The following DMD variants were observed in gnomAD, a reference collection of about 807,000 sequenced individuals.
DMD encodes mutant dystrophin.
A neutral mutation model predicts 330.1 loss-of-function variants in DMD; 63 were observed. The ratio of observed to expected loss-of-function variants is 0.19; its 90% CI spans 0.16 to 0.24. DMD has a LOEUF of 0.24. DMD is among the 10% of genes least tolerant of loss of function. The probability of loss-of-function intolerance (pLI) is 1.00; values close to 1 mark genes in which losing one functional copy is unlikely to be tolerated. For missense variants in DMD, 3,344 were observed against 2,684.1 expected, an observed-to-expected ratio of 1.25 and a Z score of -5.43; for synonymous variants, 1,223 against 959.8, an observed-to-expected ratio of 1.27 and a Z score of -5.07.
chrX:32,926,717 A>G (rs1480378903), intron 2 of DMD, among the ~76,000 whole-genome samples: 1 of 102,468 alleles, frequency 9.8e-6, no homozygotes, highest in Non-Finnish European at 2.0e-5. Context: ...AAGCCACTGC[A>G]CTCCTGCCTG....
At chrX:32,961,384 T>A (rs779064781) in intron 2 of DMD, among the ~76,000 whole-genome samples, 11 of 111,129 alleles carry the variant, frequency 9.9e-5, no homozygotes, top group Non-Finnish European at 1.7e-4. Context: ...TATTTTTTTT[T>A]AAACCTGAAT....
At chrX:32,725,184 TA>T (rs1240936018) in intron 7 of DMD, among the ~76,000 whole-genome samples, 3 of 111,288 alleles carry the variant, frequency 2.7e-5, no homozygotes, top group Non-Finnish European at 5.7e-5. Context: ...GTAAAGACTC[TA>T]ATATATAAGG....
At chrX:32,121,036 G>A (rs1038658146) in intron 44 of DMD, among the ~76,000 whole-genome samples, 10 of 111,986 alleles carry the variant, frequency 8.9e-5, no homozygotes, top group Non-Finnish European at 1.9e-4. Flanking sequence ...AATAGGTAGA[G>A]AACAAGCCCG....
rs1177428396 is a variant in DMD at position 31,126,644 on chromosome X, C to G, written c.11044G>C (p.Glu3682Gln). 2.5e-6 allele frequency: 3 copies of G among 1,200,678 alleles called. No homozygotes were observed. The highest frequency in any genetic ancestry group is 3.4e-6 in the Non-Finnish European group (3 of 886,031). The change falls in exon 78 of 79, where the codon GAG (glutamate) becomes CAG (glutamine). Residue 3682 changes from glutamate (E) to glutamine (Q), a missense_variant and splice_region_variant. Coordinates refer to ENST00000357033, the MANE Select transcript of DMD (RefSeq NM_004006.3). ...GRNTPGKPMR[E>Q]DTM is the part of the protein sequence containing the mutation. ...CCGTGAGCCTGAATCTCACTAACCT[C>G]TCTCATTGGCTTTCCAGGGGTATTT...
intron 16 of DMD, among the ~76,000 whole-genome samples, chrX:32,554,063 C>G (rs191189297): frequency 8.9e-6 from 1 of 112,229 alleles, no homozygotes; most frequent in African/African-American, 3.2e-5. Context: ...GACCAGCTGC[C>G]ACCTCTGCAG....
In DMD at chrX:32,538,597, C is replaced by CT. The variant is rs200187110; in HGVS notation, c.2168+6561dup. Among the ~76,000 whole-genome samples, 600 of 111,476 alleles carry CT rather than the reference C, an allele frequency of 5.4e-3. 4 individuals carry two copies. The highest frequency in any genetic ancestry group is 0.019 in the African/African-American group (577 of 30,679). On this transcript the variant is annotated intron_variant, in intron 17 of 78. Transcript: ENST00000357033. ...TTCACACGGACATACGTGAAAGCCC[C>CT]TTTATGGGGGCTGTCATAAGGAAAG...
intron 76 of DMD, among the ~76,000 whole-genome samples, chrX:31,136,032 C>G (rs2035182899): frequency 9.2e-6 from 1 of 108,452 alleles, no homozygotes; most frequent in Admixed American, 9.9e-5. Flanking sequence ...CTAAAAGAAT[C>G]ATTGCCAATG....
intron 51 of DMD, among the ~76,000 whole-genome samples, chrX:31,754,227 C>A (rs371505087): frequency 9.0e-6 from 1 of 111,148 alleles, no homozygotes; most frequent in East Asian, 2.8e-4. Context: ...TATCATCTAC[C>A]TTGGAGTTAC....
chrX:31,614,754 A>T (rs1251052023), intron 55 of DMD, among the ~76,000 whole-genome samples: 1 of 112,098 alleles, frequency 8.9e-6, no homozygotes, highest in Non-Finnish European at 1.9e-5. Context: ...GATGCTGTTA[A>T]ACATGAAAAA....
intron 13 of DMD, among the ~76,000 whole-genome samples, chrX:32,592,564 T>C (rs2055042973): frequency 9.0e-6 from 1 of 111,580 alleles, no homozygotes; most frequent in African/African-American, 3.3e-5. Context: ...TCAATGAAGC[T>C]CCTCTGCACC....
rs758748695 is a variant in DMD at position 32,696,250 on chromosome X, C to A, written c.960+1620G>T. On this transcript the variant is annotated intron_variant, in intron 9 of 78. Transcript: ENST00000357033. ...GGCAGTGAAAGCTCAGTCCTTTTGA[C>A]ACTTTTGAAATAAATGTTCTTAGTG... Among the ~76,000 whole-genome samples, 8 of 111,909 alleles carry A rather than the reference C, an allele frequency of 7.1e-5. No individual in the cohort carries two copies. The South Asian group carries it at 2.6e-3, about 37-fold the overall frequency.
chrX:33,126,068 G>GT (rs2095462920), intron 1 of DMD, among the ~76,000 whole-genome samples: 1 of 109,257 alleles, frequency 9.2e-6, no homozygotes, highest in African/African-American at 3.3e-5. Context: ...GAGGTTTTAC[G>GT]TATTTGAGAC....
intron 43 of DMD, among the ~76,000 whole-genome samples, chrX:32,242,004 A>G (rs73219281): frequency 8.9e-6 from 1 of 111,756 alleles, no homozygotes; most frequent in Non-Finnish European, 1.9e-5. Flanking sequence ...GACCAGGTAG[A>G]TCATCATGCT....
intron 12 of DMD, among the ~76,000 whole-genome samples, chrX:32,602,403 C>A (rs371404926): frequency 9.0e-6 from 1 of 111,565 alleles, no homozygotes; most frequent in Non-Finnish European, 1.9e-5. Flanking sequence ...AATGCCTTTA[C>A]TGAAAATAAT....
chrX:32,197,854 C>T (rs991675878), intron 44 of DMD, among the ~76,000 whole-genome samples: 3 of 111,053 alleles, frequency 2.7e-5, no homozygotes, highest in East Asian at 5.6e-4. Context: ...CACTTAAAAT[C>T]GACTCTCTTA....
At chrX:32,974,981 G>C (rs181523152) in intron 2 of DMD, among the ~76,000 whole-genome samples, 1 of 111,848 alleles carries the variant, frequency 8.9e-6, no homozygotes, top group African/African-American at 3.2e-5. Flanking sequence ...CTAGAAAAAG[G>C]AGTACTGAAA....
chrX:32,704,451 T>C (rs1421326569), intron 7 of DMD, among the ~76,000 whole-genome samples: 1 of 111,542 alleles, frequency 9.0e-6, no homozygotes, highest in Admixed American at 9.6e-5. Flanking sequence ...CGCTGGGAAA[T>C]CTAAAGAAGA....
intron 2 of DMD, among the ~76,000 whole-genome samples, chrX:32,919,096 G>T (rs1881733769): frequency 1.8e-5 from 2 of 111,812 alleles, no homozygotes; most frequent in Non-Finnish European, 3.8e-5. Flanking sequence ...ATAGGAAAAT[G>T]ACAAAAAATA....
At chrX:32,524,089 C>T (rs1390043016) in intron 17 of DMD, among the ~76,000 whole-genome samples, 1 of 109,153 alleles carries the variant, frequency 9.2e-6, no homozygotes, top group Non-Finnish European at 1.9e-5. Context: ...CCCGCCACCA[C>T]GCCCGGCTAA....
Sources: gnomAD v4.1 joint callset for allele counts (sites outside exome capture counted in the v4.1 genomes callset) on GRCh38, gnomAD v4.1.1 for gene constraint, MANE v1.5 for transcripts, NCBI Gene and HGNC (gene_info 2026-07-23, HGNC 2026-07-21) for gene names.